SMG1: variants seen among roughly 807,000 people sequenced by gnomAD.
SMG1 encodes the protein SMG1 nonsense mediated mRNA decay associated PI3K related kinase, also known as serine/threonine-protein kinase SMG1.
A neutral mutation model predicts 419.9 loss-of-function variants in SMG1; 22 were observed. The ratio of observed to expected loss-of-function variants is 0.05; its 90% confidence interval spans 0.04 to 0.07. The LOEUF (loss-of-function observed/expected upper bound fraction) is 0.07, where lower values mean the gene tolerates loss of function less well. SMG1 is among the 10% of genes least tolerant of loss of function. The probability of loss-of-function intolerance (pLI) is 1.00; values close to 1 mark genes in which losing one functional copy is unlikely to be tolerated. For missense variants in SMG1, 3,185 were observed against 4,342.0 expected, an observed-to-expected ratio of 0.73 and a Z score of 7.49; for synonymous variants, 1,538 against 1,553.5, an observed-to-expected ratio of 0.99 and a Z score of 0.23.
chr16:18,891,755 G>A (rs1272159909), intron 4 of SMG1, among the ~76,000 whole-genome samples: 2 of 152,110 alleles, frequency 1.3e-5, no homozygotes, highest in African/African-American at 2.4e-5. Flanking sequence ...CTTAATTGGT[G>A]TAAAGAAAGT....
intron 23 of SMG1, 198 bp downstream of exon 23, chr16:18,866,423 T>C (rs1040325867): frequency 5.6e-5 from 34 of 605,684 alleles, no homozygotes; most frequent in African/African-American, 2.0e-4. Context: ...CCACTAATTC[T>C]TCAGTAAGAA....
At chr16:18,849,750 T>A (rs2034486324) in intron 35 of SMG1, among the ~76,000 whole-genome samples, 199 bp downstream of exon 35, 1 of 152,226 alleles carries the variant, frequency 6.6e-6, no homozygotes, top group Non-Finnish European at 1.5e-5. Flanking sequence ...AAAAAGCTCC[T>A]GCCTTTCAGC....
rs936765015 is a variant in SMG1 at position 18,853,764 on chromosome 16, A to G, written c.4587T>C (p.Ala1529=). 1 of 1,613,940 alleles carries G rather than the reference A, an allele frequency of 6.2e-7. No individual in the cohort carries two copies. The highest frequency in any genetic ancestry group is 8.5e-7 in the Non-Finnish European group (1 of 1,179,866). ...CTTTCCATTCTGCCTGGATCCATTT[A>G]GCCAGTGTCAGAATTGATTTAGCAA... ...YAVAKSILTL[A]KWIQAEWKEI... The change falls in exon 31 of 63, where the codon GCT becomes GCC. Residue 1529 remains alanine (A), a synonymous_variant. Transcript: ENST00000446231.
At chr16:18,821,232 T>C (rs867870575) in intron 55 of SMG1, among the ~76,000 whole-genome samples, 4 of 77,958 alleles carry the variant, frequency 5.1e-5, no homozygotes, top group Non-Finnish European at 8.1e-5. Flanking sequence ...TTTTTTTTTT[T>C]TTTTTTTTCT....
At chr16:18,874,263 A>G (rs1465603717) in intron 13 of SMG1, among the ~76,000 whole-genome samples, 2 of 151,742 alleles carry the variant, frequency 1.3e-5, no homozygotes, top group Non-Finnish European at 2.9e-5. Context: ...CTTAGCCTCC[A>G]AAGTAGCTAG....
chr16:18,904,071 G>T (rs1490975059), intron 1 of SMG1, among the ~76,000 whole-genome samples: 1 of 150,724 alleles, frequency 6.6e-6, no homozygotes, highest in Non-Finnish European at 1.5e-5. Flanking sequence ...CCGAGTAGCT[G>T]GAACTACAGG....
Position 18,852,301 on chromosome 16 carries a change from T to C in SMG1, c.4913+17A>G, listed in dbSNP as rs369259177. 6 of 1,606,016 alleles carry C rather than the reference T, an allele frequency of 3.7e-6. No individual in the cohort carries two copies. Among genetic ancestry groups the C allele is most frequent in the Non-Finnish European group, 4.2e-6 (5 of 1,176,526 alleles). On this transcript the variant is annotated intron_variant, in intron 32 of 62. Coordinates refer to ENST00000446231, the MANE Select transcript of SMG1 (RefSeq NM_015092.5). ...CTATTTATGCAATGCATAAATAAAC[T>C]ACACATTTAAACATACCTGGCATTG... is the stretch of plus-strand genomic sequence containing the variant.
At chr16:18,855,966 G>A (rs1225885909) in intron 29 of SMG1, among the ~76,000 whole-genome samples, 4 of 152,040 alleles carry the variant, frequency 2.6e-5, no homozygotes, top group East Asian at 3.8e-4. Context: ...CTCATCCAGC[G>A]CTCCACCTCT....
rs886265667 is a variant in SMG1 at position 18,885,050 on chromosome 16, C to T, written c.1021+40G>A. The T allele has an allele frequency of 6.2e-6, 4 of 648,788 alleles. No individual in the cohort carries two copies. In the African/African-American group the frequency reaches 7.4e-5, roughly 12 times the overall value. The allele number at this position is 648,788 out of a possible 1,614,324, so 40.2% of individuals were successfully genotyped here. A position where few individuals can be genotyped will look rare whatever the true frequency, so the allele number is the denominator to read the frequency against. ...TCACTGGGGGACCACTGCTCCTCCCCGACAGTATTTAAATAACTGGTATAG... is the reference window on the plus strand; with the variant it reads ...TCACTGGGGGACCACTGCTCCTCCCTGACAGTATTTAAATAACTGGTATAG... On this transcript the variant is annotated intron_variant, in intron 8 of 62. Coordinates refer to ENST00000446231, the MANE Select transcript of SMG1 (RefSeq NM_015092.5).
chr16:18,882,648 G>A (rs934948637), intron 9 of SMG1, among the ~76,000 whole-genome samples: 1 of 152,122 alleles, frequency 6.6e-6, no homozygotes, highest in African/African-American at 2.4e-5. Flanking sequence ...TATAAATGAA[G>A]ACGGAAGCTT....
chr16:18,854,721 C>T lies in SMG1; in HGVS notation c.4418G>A (p.Gly1473Asp), dbSNP rs2034802106. 6.2e-7 allele frequency: 1 copy of T among 1,613,950 alleles called. No individual in the cohort carries two copies. Among genetic ancestry groups the T allele is most frequent in the Non-Finnish European group, 8.5e-7 (1 of 1,179,874 alleles). Residue 1473 changes from glycine (G) to aspartate (D), a missense_variant, in exon 30 of 63, where the codon GGT (glycine) becomes GAT (aspartate). Gly to Asp is a moderately conservative substitution (Grantham distance 94). Transcript: ENST00000446231. ...VQHFKKLSTQ[G>D]QVDEKWGPEL... ...GGGCCCCCATTTTTCATCCACTTGA[C>T]CTTGGGTTGATAGTTTTTTAAAATG... is the stretch of plus-strand genomic sequence containing the variant.
chr16:18,816,566 A>G (rs779748180), intron 57 of SMG1, 37 bp from the exon 58 acceptor site: 1 of 1,553,664 alleles, frequency 6.4e-7, no homozygotes. Flanking sequence ...TTCGAGTATC[A>G]GCTGAAATAA....
chr16:18,833,944 A>G (rs1567336306), intron 50 of SMG1, among the ~76,000 whole-genome samples: 2 of 152,214 alleles, frequency 1.3e-5, no homozygotes, highest in Non-Finnish European at 2.9e-5. Flanking sequence ...TGGATGTACC[A>G]TATTTGTCCA....
chr16:18,805,580 C>G lies in SMG1; in HGVS notation c.*3989G>C, dbSNP rs367568581. 5.3e-5 allele frequency: 8 copies of G among 152,132 alleles called. No individual in the cohort carries two copies. Among genetic ancestry groups the G allele is most frequent in the Admixed American group, 2.0e-4 (3 of 15,270 alleles). The allele number at this position is 152,132 out of a possible 1,614,324, so 9.4% of individuals were successfully genotyped here. ...TAAAAAGCAGGAAGTGCAACAAACC[C>G]TTAGGGTTTCATGATACAGTGAATT... On this transcript the variant is annotated 3_prime_UTR_variant, in exon 63 of 63. Transcript: ENST00000446231.
chr16:18,866,148 T>G (rs192373829), intron 23 of SMG1: 2 of 177,762 alleles, frequency 1.1e-5, no homozygotes, highest in African/African-American at 4.8e-5. Flanking sequence ...TACAAAGATA[T>G]GGAAGTATGA....
Position 18,827,468 on chromosome 16 carries a change from A to G in SMG1, c.9741+563T>C, listed in dbSNP as rs527906038. On this transcript the variant is annotated intron_variant, in intron 55 of 62. Transcript: ENST00000446231. The stretch of plus-strand genomic sequence containing the variant: ...GGTATAAATATACCTATATATATAT[A>G]TTTTTATATATATTTGGTATAAATA... 2.8e-5 allele frequency among the ~76,000 whole-genome samples: 4 copies of G among 144,994 alleles called. No individual in the cohort carries two copies. The East Asian group carries it at 7.9e-4, about 28-fold the overall frequency.
intron 60 of SMG1, among the ~76,000 whole-genome samples, chr16:18,813,522 T>C (rs1251275265): frequency 1.3e-5 from 2 of 152,250 alleles, no homozygotes; most frequent in Non-Finnish European, 2.9e-5. Context: ...GGGTTGTTTT[T>C]TTCTTGTAAA....
chr16:18,883,756 T>C (rs1241914905), intron 9 of SMG1, among the ~76,000 whole-genome samples: 2 of 151,968 alleles, frequency 1.3e-5, no homozygotes, highest in Non-Finnish European at 2.9e-5. Flanking sequence ...CTGTCTCTAC[T>C]AAAAATACAA....
Position 18,853,701 on chromosome 16 carries a change from C to G in SMG1, c.4650G>C (p.Gln1550His), listed in dbSNP as rs1461387959. Residue 1550 changes from glutamine to histidine, a missense_variant, in exon 31 of 63, where the codon CAG (glutamine) becomes CAC (histidine). Coordinates refer to ENST00000446231, the MANE Select transcript of SMG1 (RefSeq NM_015092.5). ...AAAGACCTGTGAAGTTCTGTTGGTG[C>G]TGAGCTCTGTAAACCTGTTTCAGCT... is the stretch of plus-strand genomic sequence containing the variant. Reference protein sequence around the residue: ...SGQLKQVYRAQHQQNFTGLST... With the variant: ...SGQLKQVYRAHHQQNFTGLST... 1 of 1,613,852 alleles carries G rather than the reference C, an allele frequency of 6.2e-7. No individual in the cohort carries two copies. The highest frequency in any genetic ancestry group is 8.5e-7 in the Non-Finnish European group (1 of 1,179,824).
Sources: allele counts gnomAD v4.1 joint callset (sites outside exome capture counted in the v4.1 genomes callset), GRCh38; gene constraint gnomAD v4.1.1; transcripts MANE v1.5; gene names NCBI Gene and HGNC (gene_info 2026-07-23, HGNC 2026-07-21).